Variants in ZNF215 observed in about 807,000 individuals in gnomAD.
ZNF215 encodes the protein BWSCR2-associated zinc finger protein 2.
ZNF215 carries 24 observed loss-of-function variants against 27.2 expected under a neutral mutation model. The ratio of observed to expected loss-of-function variants is 0.88; its 90% CI spans 0.64 to 1.24. The LOEUF (loss-of-function observed/expected upper bound fraction) is 1.24, where lower values mean the gene tolerates loss of function less well. Ranked by LOEUF, ZNF215 falls within the 50% of genes most tolerant of loss-of-function variation. The probability of loss-of-function intolerance (pLI) is 0.00; values close to 1 mark genes in which losing one functional copy is unlikely to be tolerated. For missense variants in ZNF215, 675 were observed against 605.7 expected (o/e 1.11, Z -1.20); for synonymous variants, 210 against 204.0 (o/e 1.03, Z -0.25).
intron 5 of ZNF215, among the ~76,000 whole-genome samples, chr11:6,968,155 GGTA>G (rs1850659474): frequency 1.3e-5 from 2 of 152,076 alleles, no homozygotes; most frequent in South Asian, 2.1e-4. Context: ...TATCTGTTTT[GGTA>G]GTAGTACCAT....
At position 6,940,071 on chromosome 11, in the gene ZNF215, G is replaced by GA. The variant is rs539605228; in HGVS notation, c.401-1490dup. 6.9e-3 allele frequency among the ~76,000 whole-genome samples: 1,001 copies of GA among 144,588 alleles called. 7 individuals carry two copies. The highest frequency in any genetic ancestry group is 0.021 in the African/African-American group (829 of 39,390). 94.9% of individuals were successfully genotyped at this position (144,588 alleles called of 152,430 possible). On this transcript the variant is annotated intron_variant, in intron 3 of 6. Transcript: ENST00000278319. The stretch of plus-strand genomic sequence containing the variant: ...GACCCTGTCTCTAAAGAAAAAAAAA[G>GA]AAAAAAAAAACATTATCCAAGTATG...
intron 5 of ZNF215, among the ~76,000 whole-genome samples, chr11:6,968,713 A>G (rs1201599830): frequency 6.6e-6 from 1 of 152,016 alleles, no homozygotes; most frequent in Non-Finnish European, 1.5e-5. Context: ...AAAAAACACA[A>G]AAGTTAGCCA....
intron 2 of ZNF215, among the ~76,000 whole-genome samples, chr11:6,930,097 CT>C (rs368895026): frequency 2.1e-3 from 287 of 139,950 alleles, no homozygotes; most frequent in Middle Eastern, 3.8e-3. Flanking sequence ...GTTTCAGTTT[CT>C]TTTTTTTTTT....
chr11:6,949,318 C>T (rs1247377754), intron 6 of ZNF215, among the ~76,000 whole-genome samples: 7 of 152,122 alleles, frequency 4.6e-5, no homozygotes, highest in East Asian at 1.9e-4. Context: ...CCTGAGGAAT[C>T]GCCACACTAA....
At chr11:6,943,295 C>T in intron 5 of ZNF215, 80 bp downstream of exon 5, 2 of 1,526,332 alleles carry the variant, frequency 1.3e-6, no homozygotes, top group South Asian at 2.7e-5. Flanking sequence ...GCTGAAGTGG[C>T]TAAGTTCACT....
At chr11:6,987,901 T>A (rs1275610867), downstream of ZNF215, among the ~76,000 whole-genome samples, 1 of 152,178 alleles carries the variant, frequency 6.6e-6, no homozygotes, top group Non-Finnish European at 1.5e-5. Context: ...TGGCCATTTC[T>A]TCTTCTTAGG....
downstream of ZNF215, chr11:6,988,345 G>C: frequency 1.3e-6 from 1 of 773,712 alleles, no homozygotes; most frequent in Non-Finnish European, 1.6e-6. Context: ...TTTGTGTCTG[G>C]ATTAGAGTAG....
At chr11:6,978,262 T>C (rs1850874600) in intron 5 of ZNF215, among the ~76,000 whole-genome samples, 1 of 151,996 alleles carries the variant, frequency 6.6e-6, no homozygotes, top group African/African-American at 2.4e-5. Context: ...GCAACATGGA[T>C]GAATAAATGT....
chr11:6,982,641 T>G (rs1311851204), intron 5 of ZNF215, among the ~76,000 whole-genome samples: 1 of 151,734 alleles, frequency 6.6e-6, no homozygotes, highest in African/African-American at 2.4e-5. Context: ...ACTGAACAAC[T>G]TGCTCCTGAA....
chr11:6,981,926 C>T (rs185534253), intron 5 of ZNF215, among the ~76,000 whole-genome samples: 183 of 152,054 alleles, frequency 1.2e-3, no homozygotes, highest in African/African-American at 4.3e-3. Context: ...TGTAGATATG[C>T]GGCATTATTT....
chr11:6,941,450 A>T (rs926938172), intron 3 of ZNF215, 121 bp from the exon 4 acceptor site: 2 of 782,042 alleles, frequency 2.6e-6, no homozygotes, highest in Non-Finnish European at 4.0e-6. Flanking sequence ...AGGGCCTGAC[A>T]TTATTTTTTT....
intron 6 of ZNF215, among the ~76,000 whole-genome samples, chr11:6,944,778 A>G (rs1031149975): frequency 9.9e-5 from 15 of 152,138 alleles, no homozygotes; most frequent in African/African-American, 3.6e-4. Flanking sequence ...ATTGTGGAAC[A>G]ATTTTCAAAA....
intron 5 of ZNF215, among the ~76,000 whole-genome samples, chr11:6,964,373 T>C (rs1850575835): frequency 6.6e-6 from 1 of 152,086 alleles, no homozygotes; most frequent in African/African-American, 2.4e-5. Flanking sequence ...TGTTTTCTTC[T>C]AGAAGTTTTA....
chr11:6,933,504 T>C (rs1259883274), intron 3 of ZNF215, among the ~76,000 whole-genome samples: 1 of 152,104 alleles, frequency 6.6e-6, no homozygotes, highest in African/African-American at 2.4e-5. Context: ...AGAGCTGGTC[T>C]AGGCCAGGTG....
At chr11:6,949,003 GT>G (rs1210696005) in intron 6 of ZNF215, among the ~76,000 whole-genome samples, 2 of 148,558 alleles carry the variant, frequency 1.3e-5, no homozygotes, top group African/African-American at 5.0e-5. Context: ...GCAGTGTTTG[GT>G]TTTTTGTCCT....
intron 5 of ZNF215, among the ~76,000 whole-genome samples, chr11:6,973,134 A>C (rs1374550234): frequency 1.3e-5 from 2 of 152,086 alleles, no homozygotes; most frequent in Non-Finnish European, 2.9e-5. Flanking sequence ...CCTATGAGTG[A>C]GAACATGCAG....
intron 2 of ZNF215, among the ~76,000 whole-genome samples, chr11:6,929,672 C>T (rs72845397): frequency 0.16 from 24,402 of 151,986 alleles, 2,255 homozygotes; most frequent in Middle Eastern, 0.24. Context: ...CACATTGTCT[C>T]GAGGCTACAT....
chr11:6,955,387 A>C (rs546266948), intron 6 of ZNF215, among the ~76,000 whole-genome samples: 2 of 152,372 alleles, frequency 1.3e-5, no homozygotes, highest in African/African-American at 4.8e-5. Flanking sequence ...GTTACGAACC[A>C]GTGATAACTT....
At chr11:6,972,781 G>A (rs972535355) in intron 5 of ZNF215, among the ~76,000 whole-genome samples, 1 of 152,146 alleles carries the variant, frequency 6.6e-6, no homozygotes, top group Non-Finnish European at 1.5e-5. Context: ...TGATTATCAA[G>A]ACAGTATTAC....
Sources: allele counts gnomAD v4.1 joint callset (sites outside exome capture counted in the v4.1 genomes callset), GRCh38; gene constraint gnomAD v4.1.1; transcripts MANE v1.5; gene names NCBI Gene and HGNC (gene_info 2026-07-23, HGNC 2026-07-21).